ATE1: variants seen among roughly 807,000 people sequenced by gnomAD.
The protein encoded by ATE1 is arginyltransferase 1.
A neutral mutation model predicts 70.5 loss-of-function variants in ATE1; 36 were observed. That is an observed-to-expected ratio of 0.51 (90% CI 0.39 to 0.67). The LOEUF is 0.67. Among genes scored for constraint, ATE1 ranks in the 30% least tolerant of loss-of-function variants. The pLI, the probability that ATE1 is intolerant of heterozygous loss-of-function variation, is 0.00. For missense variants in ATE1, 593 were observed against 629.5 expected (o/e 0.94, Z 0.62); for synonymous variants, 232 against 219.3 (o/e 1.06, Z -0.51).
At chr10:121,874,682 CTTAG>C (rs1377897444) in intron 7 of ATE1, among the ~76,000 whole-genome samples, 1 of 152,150 alleles carries the variant, frequency 6.6e-6, no homozygotes, top group Non-Finnish European at 1.5e-5. Context: ...CATTTGGCAC[CTTAG>C]ACATTAAGAT....
chr10:121,821,041 A>C (rs1384754312), intron 10 of ATE1, among the ~76,000 whole-genome samples: 1 of 152,174 alleles, frequency 6.6e-6, no homozygotes, highest in Non-Finnish European at 1.5e-5. Context: ...TCCCAGGTTC[A>C]CGCCATTCTC....
chr10:121,812,891 A>G (rs1382705029), intron 10 of ATE1, among the ~76,000 whole-genome samples: 1 of 152,164 alleles, frequency 6.6e-6, no homozygotes, highest in Non-Finnish European at 1.5e-5. Flanking sequence ...CATCACCTTG[A>G]TCTCAGTTTT....
chr10:121,923,040 T>G (rs1271834007), intron 2 of ATE1, among the ~76,000 whole-genome samples: 1 of 152,194 alleles, frequency 6.6e-6, no homozygotes, highest in Admixed American at 6.5e-5. Flanking sequence ...CACATCTGGA[T>G]AGCGCAATAA....
At chr10:121,908,876 G>A (rs369005615) in intron 5 of ATE1, among the ~76,000 whole-genome samples, 1 of 152,208 alleles carries the variant, frequency 6.6e-6, no homozygotes. Flanking sequence ...AGCGGGCAGA[G>A]GAACATGTTA....
chr10:121,849,709 G>A (rs113055368), intron 8 of ATE1, among the ~76,000 whole-genome samples: 3 of 152,276 alleles, frequency 2.0e-5, no homozygotes, highest in African/African-American at 4.8e-5. Flanking sequence ...TCTCAATTTG[G>A]CTAGTAAGTC....
At chr10:121,783,551 A>G (rs1185184090) in intron 11 of ATE1, among the ~76,000 whole-genome samples, 2 of 151,906 alleles carry the variant, frequency 1.3e-5, no homozygotes, top group African/African-American at 4.8e-5. Flanking sequence ...TTTTAATGGT[A>G]CGTAAAATAA....
chr10:121,854,257 T>C (rs185238463), intron 8 of ATE1, among the ~76,000 whole-genome samples: 1 of 152,212 alleles, frequency 6.6e-6, no homozygotes, highest in Non-Finnish European at 1.5e-5. Flanking sequence ...TCTAGCAATC[T>C]CATCTCATTC....
In ATE1 at chr10:121,847,985, C is replaced by T. The variant is rs141774032; in HGVS notation, c.976-6722G>A. On this transcript the variant is annotated intron_variant, in intron 8 of 11. Coordinates refer to ENST00000224652, the MANE Select transcript of ATE1 (RefSeq NM_001001976.3). ...ACTCGGGAGGCTGAGGCAAAAGAAT[C>T]GCTTGAACCTGGGAGGCGGAGGTTG... 7.7e-4 allele frequency among the ~76,000 whole-genome samples: 117 copies of T among 151,732 alleles called. 3 individuals carry two copies. In the East Asian group the frequency reaches 0.019, roughly 25 times the overall value.
intron 7 of ATE1, among the ~76,000 whole-genome samples, chr10:121,890,880 T>C (rs568040449): frequency 2.0e-5 from 3 of 152,296 alleles, no homozygotes; most frequent in African/African-American, 7.2e-5. Flanking sequence ...AAATCTGATA[T>C]CTACCTGAAT....
In ATE1 at chr10:121,854,882, T is replaced by G. The variant is rs180854690; in HGVS notation, c.976-13619A>C. ...TAACCCATGGGCTCCCAGGAAAAAG[T>G]TTCCTCCCCTTTTCAGGCATGTACA... On this transcript the variant is annotated intron_variant, in intron 8 of 11. Coordinates refer to ENST00000224652, the MANE Select transcript of ATE1 (RefSeq NM_001001976.3). Among the ~76,000 whole-genome samples the G allele has an allele frequency of 1.4e-4, 22 of 152,156 alleles. No homozygotes were observed. The East Asian group carries it at 3.1e-3, about 21-fold the overall frequency.
chr10:121,851,944 T>C (rs1949071092), intron 8 of ATE1, among the ~76,000 whole-genome samples: 1 of 152,360 alleles, frequency 6.6e-6, no homozygotes, highest in African/African-American at 2.4e-5. Flanking sequence ...ATGTCATCAA[T>C]ATTAATAGGC....
At position 121,754,374 on chromosome 10, in the gene ATE1, C is replaced by A. The variant is rs572755903; in HGVS notation, c.1379-10516G>T. On this transcript the variant is annotated intron_variant, in intron 11 of 11. Coordinates refer to ENST00000224652, the MANE Select transcript of ATE1 (RefSeq NM_001001976.3). Reference sequence around the variant, plus strand: ...AATATTTTGTGCCAGAAAGGAAGTGCTCAAAAAATGATGGGGACTTGTCAA... The same window carrying A: ...AATATTTTGTGCCAGAAAGGAAGTGATCAAAAAATGATGGGGACTTGTCAA... 3.3e-5 allele frequency among the ~76,000 whole-genome samples: 5 copies of A among 152,236 alleles called. No individual in the cohort carries two copies. In the East Asian group the frequency reaches 9.6e-4, roughly 29 times the overall value.
In ATE1 at chr10:121,743,532, A is replaced by T; in HGVS notation, c.*148T>A. On this transcript the variant is annotated 3_prime_UTR_variant, in exon 12 of 12. Coordinates refer to ENST00000224652, the MANE Select transcript of ATE1 (RefSeq NM_001001976.3). Reference sequence around the variant, plus strand: ...ATGAGATTCTCACAGATACATTGCCACAAAATATTTTTTAAAAGCCATAGA... The same window carrying T: ...ATGAGATTCTCACAGATACATTGCCTCAAAATATTTTTTAAAAGCCATAGA... The T allele has an allele frequency of 7.5e-7, 1 of 1,331,838 alleles. No homozygotes were observed. The highest frequency in any genetic ancestry group is 3.6e-5 in the Admixed American group (1 of 28,146). 82.5% of individuals were successfully genotyped at this position (1,331,838 alleles called of 1,614,324 possible).
intron 10 of ATE1, among the ~76,000 whole-genome samples, chr10:121,836,105 C>T (rs1023562223): frequency 4.6e-5 from 7 of 152,156 alleles, no homozygotes; most frequent in Non-Finnish European, 1.0e-4. Flanking sequence ...TCTTTTACTG[C>T]TTCTTCTCCT....
chr10:121,745,561 A>C (rs113738142), intron 11 of ATE1, among the ~76,000 whole-genome samples: 36 of 152,142 alleles, frequency 2.4e-4, no homozygotes, highest in Non-Finnish European at 4.4e-4. Context: ...CTAAAAAAAA[A>C]CCAAAAAACA....
At chr10:121,847,753 T>G (rs1948888119) in intron 8 of ATE1, among the ~76,000 whole-genome samples, 1 of 69,880 alleles carries the variant, frequency 1.4e-5, no homozygotes, top group Non-Finnish European at 2.5e-5. Flanking sequence ...CGAGACTCTG[T>G]CTCAAAAAAA....
rs911689494 is a variant in ATE1, at chr10:121,927,943, A to G, written c.7T>C (p.Phe3Leu). The G allele has an allele frequency of 2.6e-6, 4 of 1,564,422 alleles. No individual in the cohort carries two copies. Among genetic ancestry groups the G allele is most frequent in the Middle Eastern group, 2.1e-4 (1 of 4,652 alleles). The change falls in exon 1 of 12, where the codon TTC (phenylalanine) becomes CTC (leucine). Residue 3 changes from phenylalanine (F) to leucine (L), a missense_variant. This residue lies in a region of ATE1 where 467 missense variants were observed against 469.6 expected (regional missense o/e 0.99). Transcript: ENST00000224652. ...ACGCTGGGCGAACCCCCCGCCCAGA[A>G]AGCCATGGCCTCGGCCCCGCGAACG... MA[F>L]WAGGSPSVVD...
At chr10:121,914,971 C>T (rs12254184) in intron 3 of ATE1, among the ~76,000 whole-genome samples, 20,095 of 152,088 alleles carry the variant, frequency 0.13, 1,530 homozygotes, top group East Asian at 0.19. Flanking sequence ...TAAACAAGGC[C>T]GAGAAACACC....
chr10:121,927,176 G>A (rs1952125993), intron 1 of ATE1: 1 of 985,356 alleles, frequency 1.0e-6, no homozygotes, highest in Non-Finnish European at 1.2e-6. Flanking sequence ...GAATCACGAT[G>A]GAAAAACAAA....
Sources: allele counts gnomAD v4.1 joint callset (sites outside exome capture counted in the v4.1 genomes callset), GRCh38; gene constraint gnomAD v4.1.1; regional missense constraint gnomAD v4.1.1; transcripts MANE v1.5; gene names NCBI Gene and HGNC (gene_info 2026-07-23, HGNC 2026-07-21).